Variants in DLGAP2 observed in about 807,000 individuals in gnomAD.
DLGAP2 encodes the protein DLG associated protein 2.
Under a neutral mutation model 100.3 loss-of-function variants are expected in DLGAP2, and 26 were observed. The observed-to-expected ratio is 0.26, with a 90% CI of 0.19 to 0.36. The LOEUF is 0.36. Ranked by LOEUF, DLGAP2 falls within the 10% of genes least tolerant of loss-of-function variation. The probability of loss-of-function intolerance (pLI) is 1.00; values close to 1 mark genes in which losing one functional copy is unlikely to be tolerated. For missense variants in DLGAP2, 1,858 were observed against 1,453.2 expected, an observed-to-expected ratio of 1.28 and a Z score of -4.53; for synonymous variants, 886 against 630.1, an observed-to-expected ratio of 1.41 and a Z score of -6.08.
intron 1 of DLGAP2, among the ~76,000 whole-genome samples, chr8:872,435 G>A (rs1797617239): frequency 6.7e-6 from 1 of 149,562 alleles, no homozygotes; most frequent in African/African-American, 2.5e-5. Flanking sequence ...CCGGGTTCAA[G>A]CAACTGTCCT....
At chr8:1,265,888 C>G (rs1011951104) in intron 3 of DLGAP2, among the ~76,000 whole-genome samples, 2 of 152,106 alleles carry the variant, frequency 1.3e-5, no homozygotes, top group Non-Finnish European at 2.9e-5. Flanking sequence ...GCTCATACAA[C>G]ACAAAGCACA....
At chr8:1,551,524 C>T (rs911286034) in intron 5 of DLGAP2, among the ~76,000 whole-genome samples, 5 of 152,182 alleles carry the variant, frequency 3.3e-5, no homozygotes, top group African/African-American at 1.2e-4. Flanking sequence ...GAGCTTCTTC[C>T]ACCCACTTCC....
intron 3 of DLGAP2, among the ~76,000 whole-genome samples, chr8:1,351,379 C>A (rs371292953): frequency 6.2e-5 from 2 of 32,202 alleles, no homozygotes; most frequent in East Asian, 3.8e-3. Context: ...TGTGGAAAGG[C>A]CGTGCGGGTC....
intron 2 of DLGAP2, among the ~76,000 whole-genome samples, chr8:1,131,873 G>T (rs1274179653): frequency 6.6e-6 from 1 of 152,156 alleles, no homozygotes; most frequent in African/African-American, 2.4e-5. Context: ...TCAATGCTGA[G>T]TCATTCTTCC....
chr8:1,099,668 A>C (rs542530791), intron 2 of DLGAP2, among the ~76,000 whole-genome samples: 1 of 152,304 alleles, frequency 6.6e-6, no homozygotes, highest in African/African-American at 2.4e-5. Context: ...TTTCTACATT[A>C]ATTAAGTGGG....
At chr8:998,457 T>A (rs1323416363) in intron 2 of DLGAP2, among the ~76,000 whole-genome samples, 2 of 150,418 alleles carry the variant, frequency 1.3e-5, no homozygotes, top group Admixed American at 1.3e-4. Flanking sequence ...TGAGCCACTA[T>A]GCCCAGCTAA....
At chr8:982,883 A>ATTTTTTTTTT (rs35686773) in intron 2 of DLGAP2, among the ~76,000 whole-genome samples, 9 of 117,310 alleles carry the variant, frequency 7.7e-5, no homozygotes, top group African/African-American at 9.9e-5. Flanking sequence ...TAAAGGTAGG[A>ATTTTTTTTTT]TTTTTTTTTT....
At chr8:1,274,667 G>T (rs1332534711) in intron 3 of DLGAP2, among the ~76,000 whole-genome samples, 1 of 41,556 alleles carries the variant, frequency 2.4e-5, no homozygotes, top group East Asian at 7.0e-4. Flanking sequence ...CTTTGGATTT[G>T]TTTTCTGAGA....
chr8:1,191,252 G>A (rs1797629369), intron 2 of DLGAP2, among the ~76,000 whole-genome samples: 1 of 138,876 alleles, frequency 7.2e-6, no homozygotes, highest in East Asian at 2.1e-4. Context: ...GCTCACTGCA[G>A]CTCCACCTCC....
At chr8:1,138,156 C>T (rs1469128552) in intron 2 of DLGAP2, among the ~76,000 whole-genome samples, 3 of 152,196 alleles carry the variant, frequency 2.0e-5, no homozygotes, top group Non-Finnish European at 2.9e-5. Context: ...TGAGGGGAAA[C>T]GGGGTGTCTC....
chr8:1,307,152 A>G lies in DLGAP2; in HGVS notation c.106+48269A>G, dbSNP rs1418232188. On this transcript the variant is annotated intron_variant, in intron 3 of 14. Coordinates refer to ENST00000637795, the MANE Select transcript of DLGAP2 (RefSeq NM_001346810.2). The stretch of plus-strand genomic sequence containing the variant: ...ATTCAAATCATATATCAATCTGAAA[A>G]TGGACTGATACCTACACTATTTAAA... Among the ~76,000 whole-genome samples, 20 of 146,562 alleles carry G rather than the reference A, an allele frequency of 1.4e-4. 1 individual carries two copies. The Admixed American group carries it at 1.4e-3, about 10-fold the overall frequency.
intron 8 of DLGAP2, among the ~76,000 whole-genome samples, chr8:1,662,810 AGT>A (rs1455850817): frequency 6.8e-6 from 1 of 147,612 alleles, no homozygotes; most frequent in African/African-American, 2.5e-5. Flanking sequence ...GTGGGCTGTG[AGT>A]GTGTGCATAC....
chr8:975,571 G>C (rs1800141250), intron 2 of DLGAP2, among the ~76,000 whole-genome samples: 1 of 152,134 alleles, frequency 6.6e-6, no homozygotes, highest in South Asian at 2.1e-4. Context: ...GATTTATCCA[G>C]GTATGCAAGG....
intron 2 of DLGAP2, among the ~76,000 whole-genome samples, chr8:1,050,288 G>T (rs918562480): frequency 2.6e-5 from 4 of 152,196 alleles, no homozygotes; most frequent in East Asian, 1.9e-4. Flanking sequence ...CATGATACAG[G>T]TTTCCTGAAT....
At chr8:936,338 AC>A (rs1799070765) in intron 2 of DLGAP2, among the ~76,000 whole-genome samples, 1 of 152,156 alleles carries the variant, frequency 6.6e-6, no homozygotes, top group Non-Finnish European at 1.5e-5. Context: ...AAGTGCAGGA[AC>A]CGACCAATGT....
rs573340408 is a variant in DLGAP2 at position 1,321,884 on chromosome 8, C to G, written c.106+63001C>G. On this transcript the variant is annotated intron_variant, in intron 3 of 14. Transcript: ENST00000637795. Reference sequence around the variant, plus strand: ...TTCCAATTAGTGGAATTAATATTCTCAGACCCATTCTGCAGCTTACAGAGC... The same window carrying G: ...TTCCAATTAGTGGAATTAATATTCTGAGACCCATTCTGCAGCTTACAGAGC... Among the ~76,000 whole-genome samples the G allele has an allele frequency of 3.3e-5, 5 of 152,306 alleles. No homozygotes were observed. In the South Asian group the frequency reaches 1.0e-3, roughly 32 times the overall value.
chr8:1,278,585 A>G (rs746647509), intron 3 of DLGAP2, among the ~76,000 whole-genome samples: 6 of 152,212 alleles, frequency 3.9e-5, no homozygotes, highest in Non-Finnish European at 7.3e-5. Flanking sequence ...TTTAATAAAA[A>G]TGATGTATTT....
At chr8:1,701,153 A>T in intron 14 of DLGAP2, 35 bp from the exon 15 acceptor site, 1 of 1,542,486 alleles carries the variant, frequency 6.5e-7, no homozygotes, top group East Asian at 2.4e-5. Flanking sequence ...CCCTCCTCCG[A>T]GCACCTGCCA....
intron 2 of DLGAP2, among the ~76,000 whole-genome samples, chr8:1,219,793 T>A (rs991614675): frequency 2.6e-5 from 4 of 152,160 alleles, no homozygotes; most frequent in Non-Finnish European, 4.4e-5. Flanking sequence ...TTAGAACTCA[T>A]TATTGGTCTG....
Sources: allele counts gnomAD v4.1 joint callset (sites outside exome capture counted in the v4.1 genomes callset), GRCh38; gene constraint gnomAD v4.1.1; transcripts MANE v1.5; gene names NCBI Gene and HGNC (gene_info 2026-07-23, HGNC 2026-07-21).